The following ATP8A2 variants were observed in gnomAD, a reference collection of about 807,000 sequenced individuals.
ATP8A2 encodes the protein phospholipid-transporting ATPase IB.
ATP8A2 carries 100 observed loss-of-function variants against 165.6 expected under a neutral mutation model. That is an observed-to-expected ratio of 0.60 (90% confidence interval 0.51 to 0.71). The LOEUF is 0.71. Among genes scored for constraint, ATP8A2 ranks in the 30% least tolerant of loss-of-function variants. The pLI, the probability that ATP8A2 is intolerant of heterozygous loss-of-function variation, is 0.00. For synonymous variants in ATP8A2, 543 were observed against 548.8 expected, an observed-to-expected ratio of 0.99 and a Z score of 0.15; for missense variants, 1,227 against 1,479.5, an observed-to-expected ratio of 0.83 and a Z score of 2.80.
Position 25,579,947 on chromosome 13 carries a change from G to A in ATP8A2, c.2007G>A (p.Lys669=), listed in dbSNP as rs1235868506. 1 of 1,613,838 alleles carries A rather than the reference G, an allele frequency of 6.2e-7. No individual in the cohort carries two copies. The highest frequency in any genetic ancestry group is 2.2e-5 in the East Asian group (1 of 44,850). The change falls in exon 22 of 37, where the codon AAG becomes AAA. Residue 669 remains lysine (K), a splice_region_variant and synonymous_variant. Transcript: ENST00000381655. ...AAGAGTGTTACGAGATCATTGAGAA[G>A]GTAACCGCACACAATACAGTCTTTT... ...RLEECYEIIE[K]NLLLLGATAI...
intron 2 of ATP8A2, among the ~76,000 whole-genome samples, chr13:25,470,884 C>A (rs944859131): frequency 6.6e-6 from 1 of 151,962 alleles, no homozygotes; most frequent in African/African-American, 2.4e-5. Context: ...GTACATGATT[C>A]CATTTATATG....
intron 33 of ATP8A2, among the ~76,000 whole-genome samples, chr13:25,913,643 G>A (rs1228087952): frequency 6.6e-6 from 1 of 152,144 alleles, no homozygotes; most frequent in Admixed American, 6.5e-5. Flanking sequence ...ATCATGTTGT[G>A]TTTGTTCAGA....
Position 26,021,992 on chromosome 13 carries a change from G to A in ATP8A2, c.*2007G>A, listed in dbSNP as rs1957088114. On this transcript the variant is annotated 3_prime_UTR_variant, in exon 37 of 37. Coordinates refer to ENST00000381655, the MANE Select transcript of ATP8A2 (RefSeq NM_016529.6). ...TATGAGGTGACCAGGATGCAGAGAG[G>A]GCCTGAGGGGCAGCAGAACAATGCA... The A allele has an allele frequency of 6.6e-6, 1 of 152,088 alleles. No homozygotes were observed. Among genetic ancestry groups the A allele is most frequent in the Non-Finnish European group, 1.5e-5 (1 of 68,026 alleles). The allele number at this position is 152,088 out of a possible 1,614,324, so 9.4% of individuals were successfully genotyped here. A position where few individuals can be genotyped will look rare whatever the true frequency, so the allele number is the denominator to read the frequency against.
intron 35 of ATP8A2, among the ~76,000 whole-genome samples, chr13:25,999,715 A>G (rs1317371880): frequency 2.0e-5 from 3 of 152,174 alleles, no homozygotes; most frequent in Admixed American, 6.5e-5. Context: ...GGTCTCACAC[A>G]CAGTAGGCGC....
intron 2 of ATP8A2, among the ~76,000 whole-genome samples, chr13:25,469,686 C>A (rs893978851): frequency 1.4e-4 from 22 of 152,172 alleles, no homozygotes; most frequent in African/African-American, 5.1e-4. Context: ...ATGTCACACA[C>A]CCTGGCTATA....
Position 25,619,944 on chromosome 13 carries a change from A to G in ATP8A2, c.2211+30245A>G, listed in dbSNP as rs1217189008. On this transcript the variant is annotated intron_variant, in intron 24 of 36. Transcript: ENST00000381655. ...GTAGTTTACTGACCCCAATCTATAT[A>G]TACAAAGAAGAGAGGAGTCACGAGA... Among the ~76,000 whole-genome samples, 3 of 152,352 alleles carry G rather than the reference A, an allele frequency of 2.0e-5. No homozygotes were observed. The East Asian group carries it at 5.8e-4, about 29-fold the overall frequency.
intron 1 of ATP8A2, among the ~76,000 whole-genome samples, chr13:25,419,176 G>A (rs1024870474): frequency 4.6e-5 from 7 of 152,180 alleles, no homozygotes; most frequent in African/African-American, 1.7e-4. Flanking sequence ...TCATCATTTA[G>A]TGCAGTGACT....
Position 25,769,032 on chromosome 13 carries a change from C to T in ATP8A2, c.2385-14C>T, listed in dbSNP as rs777373728. 12 of 1,613,350 alleles carry T rather than the reference C, an allele frequency of 7.4e-6. No homozygotes were observed. In the African/African-American group the frequency reaches 1.3e-4, roughly 18 times the overall value. The stretch of plus-strand genomic sequence containing the variant: ...AGACATGCATAGCTCTGATTTCCCT[C>T]TCTTTTCTCACAGAGTGTCTCCTCT... On this transcript the variant is annotated splice_polypyrimidine_tract_variant and intron_variant, in intron 25 of 36. Coordinates refer to ENST00000381655, the MANE Select transcript of ATP8A2 (RefSeq NM_016529.6).
rs1226816031 is a variant in ATP8A2, at chr13:25,372,037, G to C, written c.-176G>C. 1 of 261,890 alleles carries C rather than the reference G, an allele frequency of 3.8e-6. No individual in the cohort carries two copies. Among genetic ancestry groups the C allele is most frequent in the Non-Finnish European group, 6.9e-6 (1 of 144,900 alleles). The allele number at this position is 261,890 out of a possible 1,614,324, so 16.2% of individuals were successfully genotyped here. A position where few individuals can be genotyped will look rare whatever the true frequency, so the allele number is the denominator to read the frequency against. ...CGGATGCTGCCGCATTGGCCGCTGCGGCACGGACGGCGCAGCCTCGGGCGC... is the reference window on the plus strand; with the variant it reads ...CGGATGCTGCCGCATTGGCCGCTGCCGCACGGACGGCGCAGCCTCGGGCGC... On this transcript the variant is annotated 5_prime_UTR_variant, in exon 1 of 37. Transcript: ENST00000381655. This position sits in a 1 kb window ranked among gnomAD's most constrained non-coding sequence, Gnocchi z 4.8.
At chr13:25,904,711 G>A (rs1175756031) in intron 33 of ATP8A2, among the ~76,000 whole-genome samples, 1 of 152,246 alleles carries the variant, frequency 6.6e-6, no homozygotes. Flanking sequence ...ATCTCCCCCC[G>A]GTAATTAATG....
intron 1 of ATP8A2, among the ~76,000 whole-genome samples, chr13:25,425,202 T>C (rs990047987): frequency 5.9e-5 from 9 of 152,182 alleles, no homozygotes; most frequent in African/African-American, 2.2e-4. Context: ...TCTTTTCTTA[T>C]ACTATCATTA....
At chr13:25,396,838 T>A (rs563114322) in intron 1 of ATP8A2, among the ~76,000 whole-genome samples, 1 of 152,280 alleles carries the variant, frequency 6.6e-6, no homozygotes, top group African/African-American at 2.4e-5. Context: ...ATATATGCAA[T>A]GTTATCAATC....
chr13:25,579,958 A>C lies in ATP8A2; in HGVS notation c.2007+11A>C. 6.2e-7 allele frequency: 1 copy of C among 1,613,746 alleles called. No individual in the cohort carries two copies. The highest frequency in any genetic ancestry group is 1.1e-5 in the South Asian group (1 of 91,076). On this transcript the variant is annotated intron_variant, in intron 22 of 36. Coordinates refer to ENST00000381655, the MANE Select transcript of ATP8A2 (RefSeq NM_016529.6). ...GAGATCATTGAGAAGGTAACCGCAC[A>C]CAATACAGTCTTTTCAGCTCCATGA...
chr13:25,655,904 T>G (rs1302263517), intron 24 of ATP8A2, among the ~76,000 whole-genome samples: 1 of 152,214 alleles, frequency 6.6e-6, no homozygotes. Context: ...GAATTGGAGT[T>G]CAGGTCACTT....
At position 25,474,570 on chromosome 13, in the gene ATP8A2, G is replaced by GA. The variant is rs78146000; in HGVS notation, c.221+5462dup. ...GAGCCAGACTCTGTCTCAAAAAAAA[G>GA]AAAAAAAAAAAAAGAATATTACCTT... On this transcript the variant is annotated intron_variant, in intron 2 of 36. Transcript: ENST00000381655. Among the ~76,000 whole-genome samples the GA allele has an allele frequency of 3.2e-3, 368 of 113,328 alleles. 2 individuals carry two copies. Among genetic ancestry groups the GA allele is most frequent in the African/African-American group, 8.0e-3 (247 of 30,800 alleles). The allele number at this position is 113,328 out of a possible 152,430, so 74.3% of individuals were successfully genotyped here.
At chr13:25,975,316 G>A (rs527814606) in intron 35 of ATP8A2, among the ~76,000 whole-genome samples, 10 of 152,278 alleles carry the variant, frequency 6.6e-5, no homozygotes, top group East Asian at 3.9e-4. Context: ...GCTCACGCCT[G>A]TAATCCCAGC....
intron 27 of ATP8A2, among the ~76,000 whole-genome samples, chr13:25,815,430 A>G (rs577658834): frequency 7.2e-5 from 11 of 152,236 alleles, no homozygotes; most frequent in Non-Finnish European, 1.6e-4. Context: ...CCAATAAGCA[A>G]TGAAAAGGTG....
intron 35 of ATP8A2, among the ~76,000 whole-genome samples, chr13:26,011,221 C>T (rs574902288): frequency 6.6e-6 from 1 of 152,318 alleles, no homozygotes; most frequent in East Asian, 1.9e-4. Context: ...GAGTTTGTCA[C>T]AGTCTGGAGG....
chr13:25,543,849 T>C (rs965439354), intron 10 of ATP8A2, among the ~76,000 whole-genome samples: 1 of 152,216 alleles, frequency 6.6e-6, no homozygotes, highest in Non-Finnish European at 1.5e-5. Context: ...GTTAAAATGA[T>C]TTTGCTCTTT....
Sources: allele counts gnomAD v4.1 joint callset (sites outside exome capture counted in the v4.1 genomes callset), GRCh38; gene constraint gnomAD v4.1.1; non-coding constraint Gnocchi (gnomAD v3.1); transcripts MANE v1.5; gene names NCBI Gene and HGNC (gene_info 2026-07-23, HGNC 2026-07-21).